Variants in MRE11 observed in about 807,000 individuals in gnomAD.
MRE11 encodes MRE11 double strand break repair nuclease.
MRE11 carries 62 observed loss-of-function variants against 91.7 expected under a neutral mutation model. The observed-to-expected ratio is 0.68, with a 90% CI of 0.55 to 0.84. The LOEUF (loss-of-function observed/expected upper bound fraction) is 0.84. Among genes scored for constraint, MRE11 ranks in the 40% least tolerant of loss-of-function variants. The probability of loss-of-function intolerance (pLI) is 0.00; values close to 1 mark genes in which losing one functional copy is unlikely to be tolerated. For synonymous variants in MRE11, 273 were observed against 271.4 expected, an observed-to-expected ratio of 1.01 and a Z score of -0.06; for missense variants, 796 against 852.9, an observed-to-expected ratio of 0.93 and a Z score of 0.83.
chr11:94,470,442 A>G (rs1469969287), intron 9 of MRE11, 29 bp downstream of exon 9: 6 of 1,602,570 alleles, frequency 3.7e-6, no homozygotes, highest in Middle Eastern at 1.9e-4. Context: ...ACTAAAGTAG[A>G]TCTCATTGAC....
chr11:94,466,761 T>C (rs1946575277), intron 10 of MRE11, among the ~76,000 whole-genome samples: 1 of 152,064 alleles, frequency 6.6e-6, no homozygotes, highest in African/African-American at 2.4e-5. Flanking sequence ...ATACAGTGGG[T>C]TCTGATGCAG....
intron 7 of MRE11, among the ~76,000 whole-genome samples, chr11:94,472,116 A>C (rs747097433): frequency 3.9e-5 from 6 of 152,108 alleles, no homozygotes; most frequent in Non-Finnish European, 8.8e-5. Flanking sequence ...ACTATATACT[A>C]GAGAAAACAC....
intron 18 of MRE11, among the ~76,000 whole-genome samples, chr11:94,431,841 G>A (rs757668043): frequency 3.3e-5 from 5 of 152,112 alleles, no homozygotes; most frequent in Non-Finnish European, 7.4e-5. Context: ...TAAAGAAATC[G>A]GCAGACATTT....
intron 19 of MRE11, among the ~76,000 whole-genome samples, chr11:94,425,179 C>A (rs759684521): frequency 2.0e-5 from 3 of 152,164 alleles, no homozygotes; most frequent in Non-Finnish European, 4.4e-5. Flanking sequence ...CCAGAAGAGA[C>A]TGGGGACCTA....
At chr11:94,489,488 G>A (rs879851986) in intron 3 of MRE11, among the ~76,000 whole-genome samples, 1 of 152,130 alleles carries the variant, frequency 6.6e-6, no homozygotes, top group Non-Finnish European at 1.5e-5. Flanking sequence ...TATTTTAAAA[G>A]TTCACTTTGG....
At chr11:94,466,379 AG>A (rs1451547967) in intron 10 of MRE11, 7 of 441,540 alleles carry the variant, frequency 1.6e-5, no homozygotes, top group African/African-American at 1.2e-4. Flanking sequence ...GCAATAGGCC[AG>A]GAAGTATTAA....
intron 16 of MRE11, among the ~76,000 whole-genome samples, chr11:94,441,468 G>A (rs1392803986): frequency 6.6e-6 from 1 of 152,038 alleles, no homozygotes; most frequent in Non-Finnish European, 1.5e-5. Context: ...ATTTTCTAGG[G>A]ACAGTAAGTA....
Position 94,464,167 on chromosome 11 carries a change from T to G in MRE11, c.1171A>C (p.Asn391His). The G allele has an allele frequency of 6.2e-7, 1 of 1,613,956 alleles. No individual in the cohort carries two copies. The highest frequency in any genetic ancestry group is 8.5e-7 in the Non-Finnish European group (1 of 1,179,900). Residue 391 changes from asparagine to histidine, a missense_variant, in exon 11 of 20, where the codon AAT (asparagine) becomes CAT (histidine). Coordinates refer to ENST00000323929, the MANE Select transcript of MRE11 (RefSeq NM_005591.4). ...AAAAAATGGATAATGTCTTTTGGAT[T>G]AGCTACCCGATCCACAAATTTCTGG... ...FSQKFVDRVA[N>H]PKDIIHFFRH...
intron 4 of MRE11, among the ~76,000 whole-genome samples, chr11:94,484,608 G>A (rs1363032654): frequency 6.6e-6 from 1 of 152,188 alleles, no homozygotes; most frequent in African/African-American, 2.4e-5. Context: ...AAACCTGGCA[G>A]AGACCAGCTT....
the MRE11 span, among the ~76,000 whole-genome samples, chr11:94,503,826 C>CAAAAAA: frequency 2.8e-4 from 24 of 86,976 alleles, no homozygotes; most frequent in East Asian, 1.7e-3. Context: ...GACTCCGTCT[C>CAAAAAA]AAAAAAAAAA....
chr11:94,469,910 A>G (rs1946662923), intron 9 of MRE11, among the ~76,000 whole-genome samples: 1 of 152,160 alleles, frequency 6.6e-6, no homozygotes, highest in Admixed American at 6.6e-5. Flanking sequence ...ATATTATTAA[A>G]TGCATTAATC....
intron 14 of MRE11, among the ~76,000 whole-genome samples, chr11:94,454,070 A>G (rs1946186338): frequency 6.7e-6 from 1 of 150,110 alleles, no homozygotes; most frequent in African/African-American, 2.5e-5. Context: ...ATGTGAACAA[A>G]AGATTTTTTT....
At chr11:94,475,418 C>T (rs1946826559) in intron 7 of MRE11, 1 of 341,236 alleles carries the variant, frequency 2.9e-6, no homozygotes, top group African/African-American at 2.1e-5. Flanking sequence ...CGAACACCCC[C>T]CGTGGATACC....
intron 14 of MRE11, among the ~76,000 whole-genome samples, chr11:94,453,963 T>TAGAG (rs1946183372): frequency 6.6e-6 from 1 of 152,050 alleles, no homozygotes; most frequent in Non-Finnish European, 1.5e-5. Context: ...GAATATGTGA[T>TAGAG]AGAGACCACA....
At position 94,416,233 on chromosome 11, in the gene MRE11, T is replaced by C. The variant is rs1265072641; in HGVS notation, c.*3892A>G. 1 of 152,238 alleles carries C rather than the reference T, an allele frequency of 6.6e-6. No individual in the cohort carries two copies. The highest frequency in any genetic ancestry group is 2.1e-4 in the South Asian group (1 of 4,832). 9.4% of individuals were successfully genotyped at this position (152,238 alleles called of 1,614,324 possible). A position where few individuals can be genotyped will look rare whatever the true frequency, so the allele number is the denominator to read the frequency against. On this transcript the variant is annotated 3_prime_UTR_variant, in exon 20 of 20. Transcript: ENST00000323929. ...CACACACATTTTAATACACATTCAA[T>C]GTCTGAATTTGAAGAATAAAAATGC...
intron 4 of MRE11, among the ~76,000 whole-genome samples, chr11:94,483,500 T>A (rs1034563706): frequency 6.6e-6 from 1 of 152,100 alleles, no homozygotes; most frequent in Non-Finnish European, 1.5e-5. Context: ...GATCTGATGG[T>A]TTTAAAAATG....
chr11:94,429,511 C>A (rs1240808069), intron 19 of MRE11, among the ~76,000 whole-genome samples: 1 of 152,054 alleles, frequency 6.6e-6, no homozygotes, highest in Non-Finnish European at 1.5e-5. Context: ...ATAAAAAGAA[C>A]AAAATTATGT....
the MRE11 span, among the ~76,000 whole-genome samples, chr11:94,510,205 T>G: frequency 6.6e-6 from 1 of 152,214 alleles, no homozygotes; most frequent in African/African-American, 2.4e-5. Context: ...AAAGCTATAT[T>G]TCTTCTTGTG....
At chr11:94,422,410 C>T (rs1196387402) in intron 19 of MRE11, among the ~76,000 whole-genome samples, 1 of 152,080 alleles carries the variant, frequency 6.6e-6, no homozygotes, top group African/African-American at 2.4e-5. Flanking sequence ...CACCACCATG[C>T]GCCACCCTCT....
Sources: gnomAD v4.1 joint callset for allele counts (sites outside exome capture counted in the v4.1 genomes callset) on GRCh38, gnomAD v4.1.1 for gene constraint, MANE v1.5 for transcripts, NCBI Gene and HGNC (gene_info 2026-07-23, HGNC 2026-07-21) for gene names.